Variants in DTWD2 observed in about 807,000 individuals in gnomAD.
DTWD2 encodes tRNA-uridine aminocarboxypropyltransferase 2.
DTWD2 carries 39 observed loss-of-function variants against 31.8 expected under a neutral mutation model. That is an observed-to-expected ratio of 1.22 (90% confidence interval 0.95 to 1.60). DTWD2 has a LOEUF of 1.60. Ranked by LOEUF, DTWD2 falls within the 40% of genes most tolerant of loss-of-function variation. The probability of loss-of-function intolerance (pLI) is 0.00; values close to 1 mark genes in which losing one functional copy is unlikely to be tolerated. For missense variants in DTWD2, 515 were observed against 381.5 expected, an observed-to-expected ratio of 1.35 and a Z score of -2.92; for synonymous variants, 180 against 142.8, an observed-to-expected ratio of 1.26 and a Z score of -1.86.
intron 4 of DTWD2, among the ~76,000 whole-genome samples, 188 bp downstream of exon 4, chr5:118,928,349 A>C (rs1269582112): frequency 6.6e-6 from 1 of 152,000 alleles, no homozygotes; most frequent in Non-Finnish European, 1.5e-5. Context: ...TTTTATATAT[A>C]TATTCAAAAT....
chr5:118,847,335 T>C (rs1751881870), intron 5 of DTWD2, among the ~76,000 whole-genome samples: 2 of 152,144 alleles, frequency 1.3e-5, no homozygotes, highest in African/African-American at 2.4e-5. Flanking sequence ...TAAATCCCTT[T>C]TAGTTGTGCT....
At chr5:118,955,065 T>C (rs977381255) in intron 1 of DTWD2, among the ~76,000 whole-genome samples, 4 of 152,222 alleles carry the variant, frequency 2.6e-5, no homozygotes, top group Non-Finnish European at 5.9e-5. Flanking sequence ...AAATATTTAC[T>C]GAAGAAAACA....
Position 118,840,868 on chromosome 5 carries a change from G to A in DTWD2, c.*49C>T. The A allele has an allele frequency of 6.4e-7, 1 of 1,567,104 alleles. No homozygotes were observed. Among genetic ancestry groups the A allele is most frequent in the Non-Finnish European group, 8.6e-7 (1 of 1,157,638 alleles). ...CCTTAACTATATGAAAACTTAATTT[G>A]GTATTGTTAGATGAAGACAGTTAAG... On this transcript the variant is annotated 3_prime_UTR_variant, in exon 6 of 6. Coordinates refer to ENST00000510708, the MANE Select transcript of DTWD2 (RefSeq NM_173666.4).
At chr5:118,897,136 C>T (rs1344691250) in intron 4 of DTWD2, among the ~76,000 whole-genome samples, 7 of 152,132 alleles carry the variant, frequency 4.6e-5, no homozygotes, top group African/African-American at 1.2e-4. Context: ...GTGGAACTCA[C>T]GGTTAATATT....
At chr5:118,899,600 A>C (rs1753158468) in intron 4 of DTWD2, among the ~76,000 whole-genome samples, 1 of 152,138 alleles carries the variant, frequency 6.6e-6, no homozygotes, top group Admixed American at 6.5e-5. Flanking sequence ...TCTACAAAAC[A>C]AACACACTTG....
intron 1 of DTWD2, among the ~76,000 whole-genome samples, chr5:118,971,941 T>C (rs1240688196): frequency 6.6e-6 from 1 of 152,142 alleles, no homozygotes; most frequent in Non-Finnish European, 1.5e-5. Flanking sequence ...AAAGAGACAC[T>C]GCACCAGAAT....
At chr5:118,953,355 G>C (rs1754508735) in intron 1 of DTWD2, among the ~76,000 whole-genome samples, 1 of 152,212 alleles carries the variant, frequency 6.6e-6, no homozygotes, top group African/African-American at 2.4e-5. Flanking sequence ...GGTTGGCAAA[G>C]CTTGATGAAC....
intron 4 of DTWD2, among the ~76,000 whole-genome samples, chr5:118,920,460 G>C (rs1753676695): frequency 6.6e-6 from 1 of 152,118 alleles, no homozygotes; most frequent in Admixed American, 6.6e-5. Flanking sequence ...GTACAGGTGT[G>C]AGGTTACCTG....
chr5:118,863,426 A>T (rs1017057525), intron 4 of DTWD2, among the ~76,000 whole-genome samples: 7 of 152,220 alleles, frequency 4.6e-5, no homozygotes, highest in African/African-American at 1.7e-4. Context: ...AAAACATCTT[A>T]TTCAAGAAGT....
chr5:118,892,520 T>C (rs1020753103), intron 4 of DTWD2, among the ~76,000 whole-genome samples: 1 of 152,150 alleles, frequency 6.6e-6, no homozygotes, highest in Non-Finnish European at 1.5e-5. Context: ...GATGGTTACA[T>C]GAAATGTATA....
intron 4 of DTWD2, among the ~76,000 whole-genome samples, chr5:118,854,440 C>T (rs1752084437): frequency 6.6e-6 from 1 of 150,930 alleles, no homozygotes; most frequent in South Asian, 2.1e-4. Flanking sequence ...AAATCGACAT[C>T]AAGAATATAA....
chr5:118,877,819 T>G (rs543099817), intron 4 of DTWD2, among the ~76,000 whole-genome samples: 1 of 152,304 alleles, frequency 6.6e-6, no homozygotes, highest in African/African-American at 2.4e-5. Context: ...CCCAAAAGCT[T>G]AAGCTCATAA....
At position 118,933,923 on chromosome 5, in the gene DTWD2, A is replaced by T. The variant is rs1005288038; in HGVS notation, c.405-5194T>A. On this transcript the variant is annotated intron_variant, in intron 3 of 5. Coordinates refer to ENST00000510708, the MANE Select transcript of DTWD2 (RefSeq NM_173666.4). ...ATAAATAAATAAATAAATAAATAAA[A>T]ATAACCTCCAAGAACAAGTAAATAA... Among the ~76,000 whole-genome samples, 8 of 148,730 alleles carry T rather than the reference A, an allele frequency of 5.4e-5. 1 individual carries two copies. Among genetic ancestry groups the T allele is most frequent in the Middle Eastern group, 7.0e-3 (2 of 284 alleles).
At position 118,873,222 on chromosome 5, in the gene DTWD2, C is replaced by A. The variant is rs77489299; in HGVS notation, c.598-25004G>T. The stretch of plus-strand genomic sequence containing the variant: ...GTGGAGCACAGCCCGGAACAGCCAT[C>A]CCGCTAGGCTCAACTTGCTCCCATA... On this transcript the variant is annotated intron_variant, in intron 4 of 5. Coordinates refer to ENST00000510708, the MANE Select transcript of DTWD2 (RefSeq NM_173666.4). Among the ~76,000 whole-genome samples the A allele has an allele frequency of 4.5e-3, 690 of 152,292 alleles. 6 individuals are homozygous for A. The highest frequency in any genetic ancestry group is 0.016 in the African/African-American group (676 of 41,572).
intron 4 of DTWD2, among the ~76,000 whole-genome samples, chr5:118,904,401 T>A (rs1320026039): frequency 6.6e-6 from 1 of 152,108 alleles, no homozygotes; most frequent in Non-Finnish European, 1.5e-5. Context: ...TTCCATGGCA[T>A]AGTATAAAAA....
intron 1 of DTWD2, among the ~76,000 whole-genome samples, chr5:118,972,633 G>A (rs1266665919): frequency 1.3e-5 from 2 of 152,178 alleles, no homozygotes; most frequent in East Asian, 1.9e-4. Flanking sequence ...TATGAAGCCA[G>A]CATCATCCTG....
At chr5:118,879,737 C>T (rs1308982457) in intron 4 of DTWD2, among the ~76,000 whole-genome samples, 1 of 151,492 alleles carries the variant, frequency 6.6e-6, no homozygotes, top group Non-Finnish European at 1.5e-5. Flanking sequence ...CTTACTTATA[C>T]GTAGAGCTAA....
chr5:118,973,478 T>G (rs1321979118), intron 1 of DTWD2, among the ~76,000 whole-genome samples: 3 of 152,226 alleles, frequency 2.0e-5, no homozygotes, highest in African/African-American at 7.2e-5. Flanking sequence ...AGCATTTGCT[T>G]ATCTGTAAAG....
intron 4 of DTWD2, among the ~76,000 whole-genome samples, chr5:118,883,525 G>A (rs1183673281): frequency 4.6e-5 from 7 of 152,124 alleles, no homozygotes; most frequent in Non-Finnish European, 7.4e-5. Context: ...GAGACTGAGT[G>A]ATTTCTAAAC....
Sources: allele counts gnomAD v4.1 joint callset (sites outside exome capture counted in the v4.1 genomes callset), GRCh38; gene constraint gnomAD v4.1.1; transcripts MANE v1.5; gene names NCBI Gene and HGNC (gene_info 2026-07-23, HGNC 2026-07-21).